The following GRM1 variants were observed in gnomAD, a reference collection of about 807,000 sequenced individuals.
The protein encoded by GRM1 is glutamate metabotropic receptor 1, also known as metabotropic glutamate receptor 1.
Under a neutral mutation model 90.9 loss-of-function variants are expected in GRM1, and 33 were observed. The ratio of observed to expected loss-of-function variants is 0.36; its 90% confidence interval spans 0.28 to 0.49. The LOEUF is 0.49. GRM1 is among the 20% of genes least tolerant of loss of function. The probability of loss-of-function intolerance (pLI) is 0.99; values close to 1 mark genes in which losing one functional copy is unlikely to be tolerated. For synonymous variants in GRM1, 700 were observed against 613.2 expected (o/e 1.14, Z -2.09); for missense variants, 1,190 against 1,534.3 (o/e 0.78, Z 3.75).
chr6:146,122,327 T>C (rs1776021799), intron 1 of GRM1, among the ~76,000 whole-genome samples: 1 of 152,210 alleles, frequency 6.6e-6, no homozygotes, highest in African/African-American at 2.4e-5. Context: ...TGTTTCTCCT[T>C]ATCTTTGGAG....
chr6:146,031,728 C>T (rs1465296271), intron 1 of GRM1, among the ~76,000 whole-genome samples: 1 of 152,026 alleles, frequency 6.6e-6, no homozygotes, highest in East Asian at 1.9e-4. Flanking sequence ...TAATATTTAA[C>T]TTTACTACAT....
At position 146,303,204 on chromosome 6, in the gene GRM1, A is replaced by G. The variant is rs78989787; in HGVS notation, c.951-1407A>G. ...GATCTCAGGTAACCAAGGGTGAGAT[A>G]TGGTCACTAATGTTTGCCCAGTCCC... On this transcript the variant is annotated intron_variant, in intron 2 of 7. Coordinates refer to ENST00000282753, the MANE Select transcript of GRM1 (RefSeq NM_001278064.2). Among the ~76,000 whole-genome samples the G allele has an allele frequency of 2.8e-4, 42 of 152,266 alleles. No homozygotes were observed. The East Asian group carries it at 7.0e-3, about 25-fold the overall frequency.
In GRM1 at chr6:146,435,889, T is replaced by C. The variant is rs1057373896; in HGVS notation, c.*1093T>C. ...TACAATTTGGTGCCATTATTTCTCC[T>C]ACGTATTAGAGAAACAAATCCATCT... On this transcript the variant is annotated 3_prime_UTR_variant, in exon 8 of 8. Transcript: ENST00000282753. 6.5e-6 allele frequency: 1 copy of C among 152,672 alleles called. No individual in the cohort carries two copies. Among genetic ancestry groups the C allele is most frequent in the Admixed American group, 6.5e-5 (1 of 15,288 alleles). 9.5% of individuals were successfully genotyped at this position (152,672 alleles called of 1,614,324 possible).
At chr6:146,157,885 A>G (rs1024190318) in intron 1 of GRM1, among the ~76,000 whole-genome samples, 2 of 152,196 alleles carry the variant, frequency 1.3e-5, no homozygotes, top group Non-Finnish European at 2.9e-5. Context: ...GAAATATGAA[A>G]TGACAACCAA....
chr6:146,076,646 G>A (rs1776197538), intron 1 of GRM1, among the ~76,000 whole-genome samples: 1 of 152,148 alleles, frequency 6.6e-6, no homozygotes, highest in African/African-American at 2.4e-5. Context: ...TTTGGAGGCA[G>A]GATTAGAAGC....
chr6:146,137,821 C>T (rs1288437492), intron 1 of GRM1, among the ~76,000 whole-genome samples: 1 of 149,364 alleles, frequency 6.7e-6, no homozygotes, highest in Non-Finnish European at 1.5e-5. Flanking sequence ...GTGTCCTGCT[C>T]AATTTATTTC....
intron 2 of GRM1, among the ~76,000 whole-genome samples, chr6:146,241,573 A>G (rs1445876614): frequency 1.3e-5 from 2 of 151,976 alleles, no homozygotes; most frequent in Non-Finnish European, 2.9e-5. Context: ...TCTTGGCTCC[A>G]CTCTTCCCTG....
chr6:146,213,719 GAT>G (rs1779760316), intron 2 of GRM1, among the ~76,000 whole-genome samples: 3 of 151,998 alleles, frequency 2.0e-5, no homozygotes, highest in Non-Finnish European at 4.4e-5. Flanking sequence ...TAGATAGATA[GAT>G]AGATAGATAG....
chr6:146,104,421 T>C (rs1777156219), intron 1 of GRM1, among the ~76,000 whole-genome samples: 2 of 150,620 alleles, frequency 1.3e-5, no homozygotes, highest in African/African-American at 2.4e-5. Context: ...GCCTGGGCGA[T>C]AGAGTGAGAC....
chr6:146,270,111 G>A (rs901006080), intron 2 of GRM1, among the ~76,000 whole-genome samples: 1 of 152,034 alleles, frequency 6.6e-6, no homozygotes, highest in Non-Finnish European at 1.5e-5. Flanking sequence ...CTGCTAGCTG[G>A]AAAAATTAGA....
intron 1 of GRM1, among the ~76,000 whole-genome samples, chr6:146,109,595 T>C (rs1017542925): frequency 6.6e-6 from 1 of 152,158 alleles, no homozygotes. Flanking sequence ...GGAGCCCCCA[T>C]GCAGAGTCAC....
rs1791146362 is a variant in GRM1 at position 146,042,393 on chromosome 6, G to C, written c.700+12176G>C. On this transcript the variant is annotated intron_variant, in intron 1 of 7. Coordinates refer to ENST00000282753, the MANE Select transcript of GRM1 (RefSeq NM_001278064.2). ...ACTTCTAAGTAAAATAATCCTTTAG[G>C]AGGGGAAAAAATTAAGCAGTTTTAA... 3.3e-5 allele frequency among the ~76,000 whole-genome samples: 5 copies of C among 152,082 alleles called. No homozygotes were observed. The South Asian group carries it at 1.0e-3, about 32-fold the overall frequency.
chr6:146,269,458 CA>C (rs1301650647), intron 2 of GRM1, among the ~76,000 whole-genome samples: 2 of 152,192 alleles, frequency 1.3e-5, no homozygotes, highest in Non-Finnish European at 2.9e-5. Context: ...ACACACTTCA[CA>C]GAGAAGAGAA....
intron 1 of GRM1, among the ~76,000 whole-genome samples, chr6:146,142,922 A>G (rs1166529984): frequency 6.6e-6 from 1 of 152,086 alleles, no homozygotes; most frequent in African/African-American, 2.4e-5. Context: ...CTGCAACACA[A>G]TGTCCTCTTC....
intron 2 of GRM1, among the ~76,000 whole-genome samples, chr6:146,297,410 T>A (rs1421368931): frequency 6.6e-6 from 1 of 152,164 alleles, no homozygotes; most frequent in African/African-American, 2.4e-5. Flanking sequence ...TCCGCCTGCC[T>A]CGGTCTCCCA....
In GRM1 at chr6:146,434,340, C is replaced by A; in HGVS notation, c.3129C>A (p.Thr1043=). ...AGGGAGTGGTCAGCAACTTCAGTAC[C>A]GCGATCCCGGATTTTCACGCGGTGC... ...QLQGVVSNFS[T]AIPDFHAVLA... Residue 1043 remains threonine, a synonymous_variant, in exon 8 of 8, where the codon ACC becomes ACA. Transcript: ENST00000282753. 4 of 1,612,410 alleles carry A rather than the reference C, an allele frequency of 2.5e-6. No individual in the cohort carries two copies. Among genetic ancestry groups the A allele is most frequent in the Non-Finnish European group, 3.4e-6 (4 of 1,178,864 alleles).
Position 146,029,926 on chromosome 6 carries a change from A to G in GRM1, c.409A>G (p.Ile137Val), listed in dbSNP as rs768089696. 2.5e-5 allele frequency: 41 copies of G among 1,613,980 alleles called. No homozygotes were observed. The South Asian group carries it at 3.0e-4, about 12-fold the overall frequency. ...TTCCATTCGAGATGAGAAGGATGGG[A>G]TCAACCGGTGTCTGCCTGACGGCCA... ...LISIRDEKDG[I>V]NRCLPDGQSL... The change falls in exon 1 of 8, where the codon ATC (isoleucine) becomes GTC (valine). Residue 137 changes from isoleucine (I) to valine (V), a missense_variant. By Grantham distance (29) the Ile-to-Val change is conservative. This residue lies in a region of GRM1 where 91 missense variants were observed against 95.6 expected (regional missense o/e 0.95). Coordinates refer to ENST00000282753, the MANE Select transcript of GRM1 (RefSeq NM_001278064.2).
At chr6:146,120,320 G>C (rs1562476024) in intron 1 of GRM1, among the ~76,000 whole-genome samples, 1 of 152,192 alleles carries the variant, frequency 6.6e-6, no homozygotes, top group South Asian at 2.1e-4. Flanking sequence ...TTGCCTATCA[G>C]CTTAAGGAGA....
chr6:146,219,781 A>G (rs1270221532), intron 2 of GRM1, among the ~76,000 whole-genome samples: 1 of 152,176 alleles, frequency 6.6e-6, no homozygotes, highest in Non-Finnish European at 1.5e-5. Context: ...AATTAATGGT[A>G]GGACAGGGGC....
Sources: allele counts gnomAD v4.1 joint callset (sites outside exome capture counted in the v4.1 genomes callset), GRCh38; gene constraint gnomAD v4.1.1; regional missense constraint gnomAD v4.1.1; transcripts MANE v1.5; gene names NCBI Gene and HGNC (gene_info 2026-07-23, HGNC 2026-07-21).